The following EPHX1 variants were observed in gnomAD, a reference collection of about 807,000 sequenced individuals.
EPHX1 encodes epoxide hydrolase 1.
Under a neutral mutation model 43.2 loss-of-function variants are expected in EPHX1, and 40 were observed. The ratio of observed to expected loss-of-function variants is 0.93; its 90% CI spans 0.72 to 1.21. The LOEUF (loss-of-function observed/expected upper bound fraction) is 1.21, where lower values mean the gene tolerates loss of function less well. Ranked by LOEUF, EPHX1 falls within the 50% of genes most tolerant of loss-of-function variation. EPHX1 has a pLI of 0.00. For missense variants in EPHX1, 550 were observed against 570.4 expected (o/e 0.96, Z 0.36); for synonymous variants, 221 against 226.7 (o/e 0.98, Z 0.22).
intron 1 of EPHX1, among the ~76,000 whole-genome samples, chr1:225,823,705 T>A (rs952414089): frequency 1.3e-5 from 2 of 152,154 alleles, no homozygotes; most frequent in Non-Finnish European, 2.9e-5. Flanking sequence ...TCTCATCTGC[T>A]TAGTGCCACC....
At chr1:225,836,509 G>T (rs2102746066) in intron 3 of EPHX1, among the ~76,000 whole-genome samples, 1 of 152,236 alleles carries the variant, frequency 6.6e-6, no homozygotes. Context: ...GAGGTGGGAG[G>T]ATCACTTGAG....
chr1:225,820,520 T>A (rs959434935), intron 1 of EPHX1, among the ~76,000 whole-genome samples: 12 of 152,132 alleles, frequency 7.9e-5, no homozygotes, highest in African/African-American at 2.9e-4. Flanking sequence ...AAAGAGATAG[T>A]ATAGTAATAA....
At chr1:225,843,178 C>T (rs1041583255) in intron 7 of EPHX1, among the ~76,000 whole-genome samples, 6 of 151,432 alleles carry the variant, frequency 4.0e-5, no homozygotes, top group African/African-American at 1.2e-4. Flanking sequence ...TGAATGAATG[C>T]GCAAAGGACT....
At chr1:225,833,689 G>T (rs182987343) in intron 3 of EPHX1, among the ~76,000 whole-genome samples, 4 of 151,932 alleles carry the variant, frequency 2.6e-5, no homozygotes, top group African/African-American at 9.7e-5. Flanking sequence ...CAGCTACTCG[G>T]GAGGATGAGG....
intron 3 of EPHX1, among the ~76,000 whole-genome samples, chr1:225,838,053 T>G (rs2102751823): frequency 6.6e-6 from 1 of 152,362 alleles, no homozygotes; most frequent in South Asian, 2.1e-4. Flanking sequence ...ATACATAGTA[T>G]AAGTACAGTA....
At chr1:225,838,964 G>C (rs1298166941) in intron 4 of EPHX1, 83 bp downstream of exon 4, 2 of 1,501,126 alleles carry the variant, frequency 1.3e-6, no homozygotes, top group Non-Finnish European at 1.8e-6. Flanking sequence ...TCCTTCCGGC[G>C]GGGTGAGCAG....
intron 3 of EPHX1, among the ~76,000 whole-genome samples, chr1:225,832,854 C>T (rs45487997): frequency 0.073 from 11,049 of 152,208 alleles, 479 homozygotes; most frequent in East Asian, 0.16. Context: ...GTAATTTCTC[C>T]GAAGAAATGT....
At chr1:225,842,035 A>G (rs45621640) in intron 6 of EPHX1, among the ~76,000 whole-genome samples, 2 of 152,160 alleles carry the variant, frequency 1.3e-5, no homozygotes, top group African/African-American at 4.8e-5. Context: ...TAGACTGAAA[A>G]ACCCCGCCTT....
intron 1 of EPHX1, among the ~76,000 whole-genome samples, chr1:225,816,809 C>T (rs1575978695): frequency 6.6e-6 from 1 of 152,256 alleles, no homozygotes; most frequent in African/African-American, 2.4e-5. Context: ...GAGGGCCTAA[C>T]TGCCCGCGGG....
At chr1:225,822,928 G>C (rs1192808297) in intron 1 of EPHX1, among the ~76,000 whole-genome samples, 1 of 151,868 alleles carries the variant, frequency 6.6e-6, no homozygotes, top group Non-Finnish European at 1.5e-5. Context: ...GCTGCAGCGG[G>C]ACCTTGGGGT....
rs770859779 is a variant in EPHX1 at position 225,840,761 on chromosome 1, G to A, written c.931+724G>A. ...GACCCCTGTAGCATCACGTCAGTCC[G>A]GAAGGTCTGCTAGGTAACTCCCTAG... On this transcript the variant is annotated intron_variant, in intron 6 of 8. Coordinates refer to ENST00000272167, the MANE Select transcript of EPHX1 (RefSeq NM_001136018.4). 3.4e-4 allele frequency: 52 copies of A among 153,946 alleles called. 1 individual carries two copies. The highest frequency in any genetic ancestry group is 5.1e-4 in the African/African-American group (21 of 41,554). 9.5% of individuals were successfully genotyped at this position (153,946 alleles called of 1,614,324 possible).
At chr1:225,828,969 C>G in intron 2 of EPHX1, 57 bp downstream of exon 2, 1 of 1,545,784 alleles carries the variant, frequency 6.5e-7, no homozygotes, top group East Asian at 2.4e-5. Context: ...GTGTCGAAGA[C>G]AGGGGTTGGG....
chr1:225,823,715 C>CCCCT (rs1667088923), intron 1 of EPHX1, among the ~76,000 whole-genome samples: 1 of 152,136 alleles, frequency 6.6e-6, no homozygotes, highest in South Asian at 2.1e-4. Flanking sequence ...TTAGTGCCAC[C>CCCCT]CCCTCCCCAG....
intron 6 of EPHX1, 76 bp downstream of exon 6, chr1:225,840,113 C>A: frequency 2.1e-6 from 3 of 1,403,606 alleles, no homozygotes; most frequent in African/African-American, 1.4e-5. Context: ...AACCTCACCA[C>A]CCCACCCCAA....
chr1:225,814,117 A>G (rs989520414), intron 1 of EPHX1, among the ~76,000 whole-genome samples: 1 of 152,222 alleles, frequency 6.6e-6, no homozygotes, highest in Non-Finnish European at 1.5e-5. Context: ...AAACAGAAAA[A>G]GTGGCTGGGC....
intron 7 of EPHX1, among the ~76,000 whole-genome samples, chr1:225,843,664 G>A (rs974930139): frequency 6.6e-6 from 1 of 152,190 alleles, no homozygotes; most frequent in African/African-American, 2.4e-5. Context: ...CCAAATCCCT[G>A]AGCAGGAGGT....
chr1:225,831,601 A>G (rs1365363569), intron 2 of EPHX1, among the ~76,000 whole-genome samples, 178 bp from the exon 3 acceptor site: 1 of 151,914 alleles, frequency 6.6e-6, no homozygotes, highest in African/African-American at 2.4e-5. Flanking sequence ...GTGAAGAAGG[A>G]AGAAGTGAAG....
intron 1 of EPHX1, among the ~76,000 whole-genome samples, chr1:225,815,918 G>A (rs1666703611): frequency 6.6e-6 from 1 of 152,136 alleles, no homozygotes; most frequent in African/African-American, 2.4e-5. Flanking sequence ...GTTAATGGTG[G>A]GAAGGAACTC....
chr1:225,842,546 C>G, intron 7 of EPHX1, 72 bp downstream of exon 7: 1 of 1,101,020 alleles, frequency 9.1e-7, no homozygotes, highest in Non-Finnish European at 1.4e-6. Flanking sequence ...TCTTCATCCC[C>G]TTGTCTGGTT....
Sources: allele counts gnomAD v4.1 joint callset (sites outside exome capture counted in the v4.1 genomes callset), GRCh38; gene constraint gnomAD v4.1.1; transcripts MANE v1.5; gene names NCBI Gene and HGNC (gene_info 2026-07-23, HGNC 2026-07-21).